Variants in NFIB observed in about 807,000 individuals in gnomAD.
NFIB encodes nuclear factor I B.
In NFIB, 11 loss-of-function variants were observed where a neutral mutation model predicts 61.5. The observed-to-expected ratio is 0.18, with a 90% CI of 0.11 to 0.30. The LOEUF is 0.30. Ranked by LOEUF, NFIB falls within the 10% of genes least tolerant of loss-of-function variation. The pLI is 1.00. For missense variants in NFIB, 471 were observed against 608.9 expected, an observed-to-expected ratio of 0.77 and a Z score of 2.38; for synonymous variants, 260 against 216.5, an observed-to-expected ratio of 1.20 and a Z score of -1.76.
intron 2 of NFIB, among the ~76,000 whole-genome samples, chr9:14,243,725 C>T (rs1323359453): frequency 1.3e-5 from 2 of 152,062 alleles, no homozygotes; most frequent in African/African-American, 4.8e-5. Context: ...TAAGAAATCC[C>T]AACCTCGTCT....
the NFIB span, among the ~76,000 whole-genome samples, chr9:14,409,032 A>T: frequency 6.6e-6 from 1 of 152,166 alleles, no homozygotes; most frequent in African/African-American, 2.4e-5. Context: ...ACAGAAGTGT[A>T]TGCCTAGTGA....
At chr9:14,386,652 T>G (rs543849162) in intron 1 of NFIB, among the ~76,000 whole-genome samples, 2 of 152,320 alleles carry the variant, frequency 1.3e-5, no homozygotes, top group African/African-American at 4.8e-5. Flanking sequence ...TTTAAGCCAG[T>G]GGAATCTCTT....
At chr9:14,322,055 G>A (rs1460793939) in intron 1 of NFIB, 3 of 1,179,788 alleles carry the variant, frequency 2.5e-6, no homozygotes, top group South Asian at 4.4e-5. Flanking sequence ...GGTTGTTTTG[G>A]TGTCGCTTTT....
At chr9:14,189,370 T>C (rs1180948982) in intron 2 of NFIB, among the ~76,000 whole-genome samples, 1 of 152,214 alleles carries the variant, frequency 6.6e-6, no homozygotes, top group Non-Finnish European at 1.5e-5. Flanking sequence ...GCACGCTGAC[T>C]CTAAGCAAAC....
chr9:14,527,237 A>T, the NFIB span, among the ~76,000 whole-genome samples: 1 of 152,218 alleles, frequency 6.6e-6, no homozygotes, highest in Non-Finnish European at 1.5e-5. Context: ...TTGATATATT[A>T]AAAACGAATT....
chr9:14,504,091 ATGT>A, the NFIB span, among the ~76,000 whole-genome samples: 2 of 151,912 alleles, frequency 1.3e-5, no homozygotes, highest in Non-Finnish European at 2.9e-5. Flanking sequence ...TCCCCACTTT[ATGT>A]TTTTGTTTGC....
the NFIB span, among the ~76,000 whole-genome samples, chr9:14,459,560 T>C: frequency 3.9e-5 from 6 of 152,076 alleles, no homozygotes; most frequent in South Asian, 4.2e-4. Flanking sequence ...CAAAAGAAAC[T>C]ATCATCAGAG....
intron 1 of NFIB, among the ~76,000 whole-genome samples, chr9:14,333,305 G>T (rs1223487702): frequency 6.6e-6 from 1 of 152,164 alleles, no homozygotes. Flanking sequence ...ATCACCCAAG[G>T]TCAATAGCTT....
chr9:14,524,027 A>G, the NFIB span, among the ~76,000 whole-genome samples: 1 of 152,128 alleles, frequency 6.6e-6, no homozygotes, highest in Non-Finnish European at 1.5e-5. Context: ...CCATTGATCA[A>G]CCCAGAACTT....
the NFIB span, among the ~76,000 whole-genome samples, chr9:14,511,953 T>G: frequency 3.3e-5 from 5 of 152,228 alleles, no homozygotes; most frequent in Non-Finnish European, 7.3e-5. Flanking sequence ...AAGTTAATTG[T>G]GGCAAACCGA....
chr9:14,455,948 T>C, the NFIB span, among the ~76,000 whole-genome samples: 3 of 152,148 alleles, frequency 2.0e-5, no homozygotes, highest in Non-Finnish European at 1.5e-5. Context: ...TACAAGTTCA[T>C]TCGGAAAATT....
At chr9:14,489,774 A>C in the NFIB span, among the ~76,000 whole-genome samples, 1 of 151,932 alleles carries the variant, frequency 6.6e-6, no homozygotes, top group Non-Finnish European at 1.5e-5. Context: ...TTTCATATCT[A>C]TACACATATA....
At chr9:14,167,085 G>GC (rs1563855866) in intron 3 of NFIB, among the ~76,000 whole-genome samples, 1 of 95,978 alleles carries the variant, frequency 1.0e-5, no homozygotes, top group Non-Finnish European at 2.1e-5. Context: ...GTGTGTGTCG[G>GC]GGGGGGGGGG....
At chr9:14,211,171 G>C (rs1261695213) in intron 2 of NFIB, among the ~76,000 whole-genome samples, 1 of 152,082 alleles carries the variant, frequency 6.6e-6, no homozygotes, top group Non-Finnish European at 1.5e-5. Context: ...AGTGCTCTTA[G>C]CTTAATCCTC....
chr9:14,425,165 T>C, the NFIB span, among the ~76,000 whole-genome samples: 1 of 152,282 alleles, frequency 6.6e-6, no homozygotes, highest in East Asian at 1.9e-4. Context: ...ACCCACACAT[T>C]CCACAGCAGT....
the NFIB span, among the ~76,000 whole-genome samples, chr9:14,448,071 A>G: frequency 6.6e-6 from 1 of 152,298 alleles, no homozygotes; most frequent in East Asian, 1.9e-4. Context: ...TTGTGGTTTG[A>G]CCATATATGT....
chr9:14,106,897 A>C (rs2036635254), intron 10 of NFIB, among the ~76,000 whole-genome samples: 1 of 152,160 alleles, frequency 6.6e-6, no homozygotes, highest in Non-Finnish European at 1.5e-5. Context: ...TCCTACGATG[A>C]CAACAAATCT....
chr9:14,391,034 T>C (rs953463125), intron 1 of NFIB, among the ~76,000 whole-genome samples: 2 of 152,166 alleles, frequency 1.3e-5, no homozygotes, highest in Middle Eastern at 3.2e-3. Flanking sequence ...TACAGAAGAA[T>C]ATCAATTTGT....
the NFIB span, among the ~76,000 whole-genome samples, chr9:14,527,079 GA>G: frequency 3.3e-5 from 5 of 152,116 alleles, no homozygotes; most frequent in African/African-American, 1.2e-4. Context: ...AAGTATCTTG[GA>G]AGAAGATTAA....
Sources: allele counts gnomAD v4.1 joint callset (sites outside exome capture counted in the v4.1 genomes callset), GRCh38; gene constraint gnomAD v4.1.1; transcripts MANE v1.5; gene names NCBI Gene and HGNC (gene_info 2026-07-23, HGNC 2026-07-21).